The following CLYBL variants were observed in gnomAD, a reference collection of about 807,000 sequenced individuals.
The protein encoded by CLYBL is citramalyl-CoA lyase, also known as citramalyl-CoA lyase, mitochondrial.
CLYBL carries 31 observed loss-of-function variants against 38.9 expected under a neutral mutation model. The observed-to-expected ratio is 0.80, with a 90% CI of 0.60 to 1.08. The LOEUF (loss-of-function observed/expected upper bound fraction) is 1.08, where lower values mean the gene tolerates loss of function less well. Ranked by LOEUF, CLYBL falls within the 50% of genes least tolerant of loss-of-function variation. The pLI is 0.00. For synonymous variants in CLYBL, 171 were observed against 158.6 expected, an observed-to-expected ratio of 1.08 and a Z score of -0.59; for missense variants, 434 against 411.6, an observed-to-expected ratio of 1.05 and a Z score of -0.47.
At chr13:99,855,649 G>A (rs1020503006) in intron 2 of CLYBL, among the ~76,000 whole-genome samples, 1 of 148,458 alleles carries the variant, frequency 6.7e-6, no homozygotes. Context: ...TCACAACTGG[G>A]TGGACTGTGA....
chr13:99,818,764 G>T (rs375047782), intron 2 of CLYBL, among the ~76,000 whole-genome samples: 2 of 152,140 alleles, frequency 1.3e-5, no homozygotes, highest in Non-Finnish European at 2.9e-5. Context: ...TTCCCTGGGC[G>T]TTTGTACTTA....
chr13:99,772,624 G>C (rs1189701373), intron 1 of CLYBL, among the ~76,000 whole-genome samples, 200 bp from the exon 2 acceptor site: 1 of 150,824 alleles, frequency 6.6e-6, no homozygotes, highest in Admixed American at 6.6e-5. Flanking sequence ...CCTGAGCCTG[G>C]AGGTGGAGGT....
chr13:99,725,352 G>C (rs1304713383), intron 1 of CLYBL, among the ~76,000 whole-genome samples: 1 of 152,176 alleles, frequency 6.6e-6, no homozygotes, highest in Non-Finnish European at 1.5e-5. Context: ...GTAAGTTTCA[G>C]GAACTGCTCT....
At chr13:99,873,444 G>A (rs574681203) in intron 7 of CLYBL, among the ~76,000 whole-genome samples, 15 of 152,320 alleles carry the variant, frequency 9.8e-5, no homozygotes, top group African/African-American at 3.6e-4. Context: ...CCAAAGCACA[G>A]ATGACTCTCT....
In CLYBL at chr13:99,716,787, CTTTTTTTT is replaced by C. The variant is rs1260332084; in HGVS notation, c.63-56023_63-56016del. Among the ~76,000 whole-genome samples the C allele has an allele frequency of 1.2e-4, 12 of 100,902 alleles. No individual in the cohort carries two copies. The East Asian group carries it at 3.3e-3, about 27-fold the overall frequency. 66.2% of individuals were successfully genotyped at this position (100,902 alleles called of 152,430 possible). ...CTCTTACTTTAATTTCTTTTCTTTT[CTTTTTTTT>C]TTTTTTTTTTTTTGAGACGGAGTTT... is the stretch of plus-strand genomic sequence containing the variant. On this transcript the variant is annotated intron_variant, in intron 1 of 8. Transcript: ENST00000339105.
At chr13:99,775,165 C>T (rs1321570004) in intron 2 of CLYBL, among the ~76,000 whole-genome samples, 3 of 152,278 alleles carry the variant, frequency 2.0e-5, no homozygotes, top group South Asian at 4.1e-4. Flanking sequence ...TGATAAACTT[C>T]TAATTATAGT....
chr13:99,645,382 C>G (rs1594099398), intron 1 of CLYBL, among the ~76,000 whole-genome samples: 1 of 151,286 alleles, frequency 6.6e-6, no homozygotes. Context: ...CCTGTAGTCC[C>G]AGCTACTTGG....
chr13:99,709,317 T>C (rs1013301599), intron 1 of CLYBL, among the ~76,000 whole-genome samples: 14 of 152,140 alleles, frequency 9.2e-5, no homozygotes, highest in African/African-American at 2.7e-4. Context: ...CCTCCACAGC[T>C]GTGAGACAAT....
Position 99,881,194 on chromosome 13 carries a change from A to C in CLYBL, c.928-10124A>C, listed in dbSNP as rs76330458. The stretch of plus-strand genomic sequence containing the variant: ...GGTAACCATAGATTAGCACAATGTG[A>C]ATTGGTGTCTGTGTTGAATGACTTC... On this transcript the variant is annotated intron_variant, in intron 7 of 8. Transcript: ENST00000339105. Among the ~76,000 whole-genome samples the C allele has an allele frequency of 1.5e-4, 23 of 152,186 alleles. No homozygotes were observed. The East Asian group carries it at 4.4e-3, about 29-fold the overall frequency.
chr13:99,798,988 A>G (rs1269487308), intron 2 of CLYBL, among the ~76,000 whole-genome samples: 1 of 152,228 alleles, frequency 6.6e-6, no homozygotes, highest in African/African-American at 2.4e-5. Flanking sequence ...TTTTTTGACA[A>G]TAACAAAGAA....
chr13:99,753,664 T>G (rs2048997751), intron 1 of CLYBL, among the ~76,000 whole-genome samples: 1 of 152,232 alleles, frequency 6.6e-6, no homozygotes, highest in Non-Finnish European at 1.5e-5. Flanking sequence ...GTTAGAGTTA[T>G]TATTTTAGTG....
At chr13:99,679,674 T>C (rs2047705425) in intron 1 of CLYBL, among the ~76,000 whole-genome samples, 1 of 151,370 alleles carries the variant, frequency 6.6e-6, no homozygotes, top group African/African-American at 2.4e-5. Flanking sequence ...ATGTAATGAG[T>C]AACCACAATC....
chr13:99,611,752 T>C (rs2046630137), intron 1 of CLYBL, among the ~76,000 whole-genome samples: 1 of 152,252 alleles, frequency 6.6e-6, no homozygotes. Context: ...GGAAAAAGTG[T>C]TAAACTACAA....
chr13:99,901,658 GT>G (rs66710267), downstream of CLYBL, among the ~76,000 whole-genome samples: 23,030 of 122,764 alleles, frequency 0.19, 2,087 homozygotes, highest in African/African-American at 0.27. Flanking sequence ...TTTTTTTTTT[GT>G]TTGTTTGTTT....
At chr13:99,635,513 T>A (rs1453318190) in intron 1 of CLYBL, among the ~76,000 whole-genome samples, 1 of 152,198 alleles carries the variant, frequency 6.6e-6, no homozygotes, top group Non-Finnish European at 1.5e-5. Context: ...CCCTCCTGGC[T>A]TTGCGCAGCT....
chr13:99,873,234 G>C (rs111692057), intron 7 of CLYBL, among the ~76,000 whole-genome samples: 117 of 152,256 alleles, frequency 7.7e-4, no homozygotes, highest in African/African-American at 2.8e-3. Flanking sequence ...TAAACTGGCC[G>C]GTCACAGAAA....
chr13:99,847,165 C>T (rs2051225167), intron 2 of CLYBL, among the ~76,000 whole-genome samples: 1 of 152,068 alleles, frequency 6.6e-6, no homozygotes, highest in Admixed American at 6.6e-5. Flanking sequence ...GTATCTGGAA[C>T]CATGGTAAGG....
intron 2 of CLYBL, among the ~76,000 whole-genome samples, chr13:99,781,104 T>A (rs1012657587): frequency 6.6e-6 from 1 of 151,356 alleles, no homozygotes; most frequent in Non-Finnish European, 1.5e-5. Context: ...TTCATGTTTC[T>A]TTTTTCATCT....
chr13:99,797,556 C>CTCTGTGTG (rs775220789), intron 2 of CLYBL, among the ~76,000 whole-genome samples: 1,272 of 37,500 alleles, frequency 0.034, 10 homozygotes, highest in Middle Eastern at 0.15. Context: ...GCCATGTTAG[C>CTCTGTGTG]TGTTTGTGTG....
Sources: gnomAD v4.1 joint callset for allele counts (sites outside exome capture counted in the v4.1 genomes callset) on GRCh38, gnomAD v4.1.1 for gene constraint, MANE v1.5 for transcripts, NCBI Gene and HGNC (gene_info 2026-07-23, HGNC 2026-07-21) for gene names.